The following RTL4 variants were observed in gnomAD, a reference collection of about 807,000 sequenced individuals.
The protein encoded by RTL4 is retrotransposon Gag like 4.
A neutral mutation model predicts 5.3 loss-of-function variants in RTL4; 4 were observed. That is an observed-to-expected ratio of 0.75 (90% CI 0.37 to 1.72). RTL4 has a LOEUF of 1.72. RTL4 is among the 40% of genes most tolerant of loss of function. RTL4 has a pLI of 0.04. For synonymous variants in RTL4, 98 were observed against 87.3 expected, an observed-to-expected ratio of 1.12 and a Z score of -0.68; for missense variants, 260 against 227.1, an observed-to-expected ratio of 1.14 and a Z score of -0.93.
At chrX:112,241,960 T>C in the RTL4 span, among the ~76,000 whole-genome samples, 47 of 111,869 alleles carry the variant, frequency 4.2e-4, no homozygotes, top group Middle Eastern at 4.6e-3. Context: ...GGAATCCTTT[T>C]GCCATTTCTT....
chrX:112,372,682 C>T, the RTL4 span, among the ~76,000 whole-genome samples: 1 of 111,867 alleles, frequency 8.9e-6, no homozygotes, highest in African/African-American at 3.2e-5. Flanking sequence ...TCCTTTCCTG[C>T]TCTTCTACTT....
the RTL4 span, among the ~76,000 whole-genome samples, chrX:112,291,078 G>A: frequency 1.2e-4 from 13 of 111,485 alleles, no homozygotes; most frequent in South Asian, 3.8e-4. Flanking sequence ...CTTTGCATAA[G>A]GGAGAGGGAG....
the RTL4 span, among the ~76,000 whole-genome samples, chrX:112,261,430 C>G: frequency 1.8e-5 from 2 of 111,476 alleles, no homozygotes; most frequent in South Asian, 7.7e-4. Context: ...CATAAGTGAA[C>G]TCCCATTCAC....
chrX:112,324,356 T>C, the RTL4 span, among the ~76,000 whole-genome samples: 1 of 112,052 alleles, frequency 8.9e-6, no homozygotes, highest in African/African-American at 3.2e-5. Flanking sequence ...AGTAATTCCA[T>C]TTCTCTATTT....
At chrX:112,454,960 G>A in exon 1 of RTL4, 1 of 1,211,146 alleles carries the variant, frequency 8.3e-7, no homozygotes, top group Non-Finnish European at 1.1e-6. Flanking sequence ...CCTCACTCAG[G>A]TGACTACCTA....
At chrX:112,325,433 A>G in the RTL4 span, among the ~76,000 whole-genome samples, 161 of 112,004 alleles carry the variant, frequency 1.4e-3, 3 homozygotes, top group East Asian at 8.4e-3. Flanking sequence ...AAACAGCATG[A>G]TACTGGTACC....
At chrX:112,238,553 C>A in the RTL4 span, among the ~76,000 whole-genome samples, 5 of 111,432 alleles carry the variant, frequency 4.5e-5, no homozygotes, top group Non-Finnish European at 9.4e-5. Context: ...ATGGAGCAGT[C>A]CCATTTCTCC....
chrX:112,189,158 C>T, the RTL4 span, among the ~76,000 whole-genome samples: 1 of 110,750 alleles, frequency 9.0e-6, no homozygotes, highest in African/African-American at 3.3e-5. Flanking sequence ...GTTTGGGAGG[C>T]CAAGGTAGGA....
the RTL4 span, among the ~76,000 whole-genome samples, chrX:112,158,824 A>C: frequency 1.8e-5 from 2 of 111,513 alleles, no homozygotes; most frequent in African/African-American, 6.5e-5. Flanking sequence ...TTTTCTGAGG[A>C]TCAATTCCTA....
At chrX:112,176,211 G>C in the RTL4 span, among the ~76,000 whole-genome samples, 1 of 111,564 alleles carries the variant, frequency 9.0e-6, no homozygotes, top group African/African-American at 3.3e-5. Flanking sequence ...ACCACTGCTC[G>C]ATGAAATAAA....
chrX:112,180,301 C>G, the RTL4 span, among the ~76,000 whole-genome samples: 3 of 111,379 alleles, frequency 2.7e-5, no homozygotes, highest in African/African-American at 9.8e-5. Flanking sequence ...ATCCAAGAGT[C>G]AAAGAGGTAA....
the RTL4 span, among the ~76,000 whole-genome samples, chrX:112,191,486 G>A: frequency 1.9e-4 from 21 of 111,554 alleles, no homozygotes; most frequent in Non-Finnish European, 3.8e-4. Flanking sequence ...ATACAGAAAA[G>A]CCTAGACCCA....
chrX:112,226,645 A>T, the RTL4 span, among the ~76,000 whole-genome samples: 40 of 110,955 alleles, frequency 3.6e-4, no homozygotes, highest in Admixed American at 2.9e-3. Context: ...CATTGCAAAG[A>T]TTAGTAGTAA....
At chrX:112,390,533 T>C in the RTL4 span, among the ~76,000 whole-genome samples, 1 of 110,567 alleles carries the variant, frequency 9.0e-6, no homozygotes, top group Non-Finnish European at 1.9e-5. Context: ...GAAAGGAATC[T>C]TATTTCTCCT....
chrX:112,359,821 C>T, the RTL4 span, among the ~76,000 whole-genome samples: 6 of 111,179 alleles, frequency 5.4e-5, no homozygotes, highest in African/African-American at 1.6e-4. Context: ...CCACACACAA[C>T]ACCACACAGT....
chrX:112,264,640 T>C, the RTL4 span, among the ~76,000 whole-genome samples: 24,503 of 111,165 alleles, frequency 0.22, 2,237 homozygotes, highest in African/African-American at 0.36. Flanking sequence ...GTTTCTAGTG[T>C]TTAGTAGGAG....
the RTL4 span, among the ~76,000 whole-genome samples, chrX:112,121,780 C>G: frequency 1.8e-5 from 2 of 111,546 alleles, no homozygotes; most frequent in African/African-American, 6.5e-5. Context: ...TATTTCAGAA[C>G]TGCTAGGAAA....
the RTL4 span, among the ~76,000 whole-genome samples, chrX:112,161,834 TTCCTTCCTTC>T: frequency 4.0e-4 from 18 of 44,669 alleles, no homozygotes; most frequent in African/African-American, 6.7e-4. Flanking sequence ...CCTTCCTTCC[TTCCTTCCTTC>T]CTTTCTTTCT....
At chrX:112,400,976 T>C in the RTL4 span, among the ~76,000 whole-genome samples, 14 of 111,881 alleles carry the variant, frequency 1.3e-4, no homozygotes, top group African/African-American at 4.2e-4. Flanking sequence ...TACTGGGGCT[T>C]GGAAACACTC....
Sources: allele counts gnomAD v4.1 joint callset (sites outside exome capture counted in the v4.1 genomes callset), GRCh38; gene constraint gnomAD v4.1.1; transcripts MANE v1.5; gene names NCBI Gene and HGNC (gene_info 2026-07-23, HGNC 2026-07-21).